Variants in COL25A1 observed in about 807,000 individuals in gnomAD.
COL25A1 encodes the protein collagen alpha-1(XXV) chain.
A neutral mutation model predicts 128.4 loss-of-function variants in COL25A1; 103 were observed. That is an observed-to-expected ratio of 0.80 (90% confidence interval 0.68 to 0.94). The LOEUF (loss-of-function observed/expected upper bound fraction) is 0.94, where lower values mean the gene tolerates loss of function less well. Among genes scored for constraint, COL25A1 ranks in the 40% least tolerant of loss-of-function variants. The probability of loss-of-function intolerance (pLI) is 0.00; values close to 1 mark genes in which losing one functional copy is unlikely to be tolerated. For synonymous variants in COL25A1, 279 were observed against 277.2 expected (o/e 1.01, Z -0.06); for missense variants, 745 against 840.0 (o/e 0.89, Z 1.40).
intron 3 of COL25A1, among the ~76,000 whole-genome samples, chr4:109,271,653 G>A (rs972227366): frequency 2.0e-5 from 3 of 152,162 alleles, no homozygotes; most frequent in Admixed American, 6.5e-5. Context: ...CTATGCAGAA[G>A]AGAAATTTGC....
chr4:109,216,484 T>C (rs994003017), intron 3 of COL25A1, among the ~76,000 whole-genome samples: 2 of 152,130 alleles, frequency 1.3e-5, no homozygotes, highest in African/African-American at 4.8e-5. Flanking sequence ...ATAATCAAAT[T>C]AATATGATGT....
intron 5 of COL25A1, among the ~76,000 whole-genome samples, chr4:109,047,253 G>A (rs1226325853): frequency 2.0e-5 from 3 of 152,146 alleles, no homozygotes; most frequent in Non-Finnish European, 4.4e-5. Context: ...AAAAAGAAGT[G>A]TGAAATAGCT....
intron 3 of COL25A1, among the ~76,000 whole-genome samples, chr4:109,272,417 AG>A (rs1782258172): frequency 6.6e-6 from 1 of 152,198 alleles, no homozygotes; most frequent in African/African-American, 2.4e-5. Context: ...ATTTTAAAGC[AG>A]GAATACATGC....
At chr4:109,139,692 CTTTAAG>C (rs1386996134) in intron 3 of COL25A1, among the ~76,000 whole-genome samples, 2 of 151,896 alleles carry the variant, frequency 1.3e-5, no homozygotes, top group African/African-American at 4.8e-5. Context: ...TATTATTATA[CTTTAAG>C]TTTTAGGGTA....
chr4:109,134,925 G>C (rs754073360), intron 3 of COL25A1, among the ~76,000 whole-genome samples: 13 of 151,472 alleles, frequency 8.6e-5, no homozygotes, highest in Non-Finnish European at 1.9e-4. Flanking sequence ...AAGAAATAGA[G>C]GGTCAAAATA....
chr4:108,908,135 C>T (rs1334426848), intron 13 of COL25A1, among the ~76,000 whole-genome samples: 1 of 152,178 alleles, frequency 6.6e-6, no homozygotes, highest in Non-Finnish European at 1.5e-5. Flanking sequence ...TTCCAGCCCC[C>T]TGCTCAAGCC....
intron 31 of COL25A1, chr4:108,838,227 A>C (rs1409728677): frequency 2.3e-6 from 3 of 1,300,134 alleles, no homozygotes; most frequent in Non-Finnish European, 3.3e-6. Context: ...TGGGTGTTTA[A>C]ACTGTGAGAG....
At chr4:109,122,603 C>T (rs889286593) in intron 3 of COL25A1, among the ~76,000 whole-genome samples, 4 of 151,974 alleles carry the variant, frequency 2.6e-5, no homozygotes, top group African/African-American at 9.7e-5. Context: ...TATGTTGTAA[C>T]ATGTAAGTTA....
intron 6 of COL25A1, among the ~76,000 whole-genome samples, chr4:108,993,716 T>C (rs1426384540): frequency 6.6e-6 from 1 of 151,894 alleles, no homozygotes; most frequent in East Asian, 1.9e-4. Context: ...AAAAATTAGC[T>C]GGGCGTGGTG....
intron 14 of COL25A1, among the ~76,000 whole-genome samples, chr4:108,900,416 G>A (rs117857755): frequency 0.013 from 1,980 of 152,280 alleles, 19 homozygotes; most frequent in South Asian, 0.034. Context: ...CTGTGGGTAC[G>A]AATACACACC....
At chr4:109,258,397 T>C (rs955062203) in intron 3 of COL25A1, among the ~76,000 whole-genome samples, 1 of 152,164 alleles carries the variant, frequency 6.6e-6, no homozygotes, top group African/African-American at 2.4e-5. Context: ...TGTTTGACCT[T>C]CTGTAAGTTA....
At chr4:108,862,185 T>C (rs1458558560) in intron 22 of COL25A1, among the ~76,000 whole-genome samples, 1 of 152,146 alleles carries the variant, frequency 6.6e-6, no homozygotes, top group African/African-American at 2.4e-5. Flanking sequence ...AATGAAAAAT[T>C]AGATTATACA....
chr4:108,933,701 C>A (rs1161060907), intron 11 of COL25A1, among the ~76,000 whole-genome samples: 1 of 152,122 alleles, frequency 6.6e-6, no homozygotes, highest in African/African-American at 2.4e-5. Flanking sequence ...ATTTCACTTG[C>A]TTCTCACCAT....
At chr4:109,093,142 C>A (rs1295884970) in intron 3 of COL25A1, among the ~76,000 whole-genome samples, 1 of 151,998 alleles carries the variant, frequency 6.6e-6, no homozygotes, top group Non-Finnish European at 1.5e-5. Context: ...AGCACATGTG[C>A]AGTTCAAATG....
intron 31 of COL25A1, among the ~76,000 whole-genome samples, chr4:108,841,213 C>T (rs977258632): frequency 6.6e-6 from 1 of 152,168 alleles, no homozygotes; most frequent in Non-Finnish European, 1.5e-5. Flanking sequence ...CAGTATAGCA[C>T]ACCTGAAATA....
intron 14 of COL25A1, 136 bp downstream of exon 14, chr4:108,900,983 T>C: frequency 1.6e-6 from 1 of 616,606 alleles, no homozygotes; most frequent in Non-Finnish European, 2.9e-6. Flanking sequence ...TTCTATACTA[T>C]AGCATATTAT....
At chr4:109,155,235 A>G (rs752933112) in intron 3 of COL25A1, among the ~76,000 whole-genome samples, 1 of 152,184 alleles carries the variant, frequency 6.6e-6, no homozygotes, top group Non-Finnish European at 1.5e-5. Flanking sequence ...TTCTTCTACA[A>G]GAACGCTACA....
In COL25A1 at chr4:109,278,185, A is replaced by G. The variant is rs78770114; in HGVS notation, c.367+22398T>C. On this transcript the variant is annotated intron_variant, in intron 3 of 37. Coordinates refer to ENST00000399132, the MANE Select transcript of COL25A1 (RefSeq NM_198721.4). The stretch of plus-strand genomic sequence containing the variant: ...TTTAATGAGCTTGAGCTGAATCAGC[A>G]TATCTATTCAGGTCACCTCTCTACA... Among the ~76,000 whole-genome samples the G allele has an allele frequency of 7.4e-3, 1,123 of 152,304 alleles. 28 individuals are homozygous for G. Among genetic ancestry groups the G allele is most frequent in the African/African-American group, 0.025 (1,043 of 41,580 alleles).
chr4:109,225,893 T>C (rs923775455), intron 3 of COL25A1, among the ~76,000 whole-genome samples: 2 of 151,970 alleles, frequency 1.3e-5, no homozygotes, highest in Non-Finnish European at 2.9e-5. Context: ...TATATAAATA[T>C]GTATACATAC....
Sources: allele counts gnomAD v4.1 joint callset (sites outside exome capture counted in the v4.1 genomes callset), GRCh38; gene constraint gnomAD v4.1.1; transcripts MANE v1.5; gene names NCBI Gene and HGNC (gene_info 2026-07-23, HGNC 2026-07-21).